FRMD6: variants seen among roughly 807,000 people sequenced by gnomAD.
FRMD6 encodes FERM domain containing 6, also known as FERM domain-containing protein 6.
In FRMD6, 37 loss-of-function variants were observed where a neutral mutation model predicts 73.2. The ratio of observed to expected loss-of-function variants is 0.51; its 90% CI spans 0.39 to 0.66. The LOEUF is 0.66. Among genes scored for constraint, FRMD6 ranks in the 30% least tolerant of loss-of-function variants. The pLI, the probability that FRMD6 is intolerant of heterozygous loss-of-function variation, is 0.00. For synonymous variants in FRMD6, 273 were observed against 282.2 expected (o/e 0.97, Z 0.33); for missense variants, 714 against 780.5 (o/e 0.91, Z 1.02).
At chr14:51,422,849 C>T in the FRMD6 span, among the ~76,000 whole-genome samples, 1 of 152,250 alleles carries the variant, frequency 6.6e-6, no homozygotes, top group African/African-American at 2.4e-5. Context: ...CAAATATTGC[C>T]CTCTAGAAAC....
intron 2 of FRMD6, chr14:51,599,927 G>A (rs750827489): frequency 3.4e-5 from 5 of 149,220 alleles, no homozygotes; most frequent in Non-Finnish European, 7.4e-5. Flanking sequence ...GTCTGGACGG[G>A]GAGCCAGGAG....
At chr14:51,637,697 A>C (rs1354065110) in intron 2 of FRMD6, 1 of 152,242 alleles carries the variant, frequency 6.6e-6, no homozygotes, top group Non-Finnish European at 1.5e-5. Flanking sequence ...CATTTTCCCC[A>C]GTTAATTTCT....
chr14:51,725,704 A>G (rs182684961), intron 12 of FRMD6, 75 bp from the exon 13 acceptor site: 25 of 1,094,008 alleles, frequency 2.3e-5, no homozygotes, highest in African/African-American at 3.1e-5. Flanking sequence ...CCTGATAGCA[A>G]TATGTCAGAA....
At chr14:51,519,882 G>T (rs899164301) in intron 1 of FRMD6, among the ~76,000 whole-genome samples, 1 of 152,128 alleles carries the variant, frequency 6.6e-6, no homozygotes, top group African/African-American at 2.4e-5. Flanking sequence ...ACTATAAAAT[G>T]GGCAATATGA....
chr14:51,443,433 C>T, the FRMD6 span, among the ~76,000 whole-genome samples: 1 of 152,180 alleles, frequency 6.6e-6, no homozygotes, highest in Non-Finnish European at 1.5e-5. Context: ...GTTAATTCAA[C>T]CCTCACTCTC....
chr14:51,433,153 G>T, the FRMD6 span, among the ~76,000 whole-genome samples: 2 of 152,208 alleles, frequency 1.3e-5, no homozygotes, highest in Non-Finnish European at 2.9e-5. Flanking sequence ...AAAGCTACAT[G>T]TGCGTTTACT....
chr14:51,633,071 T>G (rs1891398978), intron 2 of FRMD6, among the ~76,000 whole-genome samples: 1 of 152,156 alleles, frequency 6.6e-6, no homozygotes, highest in Admixed American at 6.5e-5. Context: ...TTAAAATATC[T>G]AAAAAAATAG....
chr14:51,558,743 G>A (rs1018246201), intron 1 of FRMD6, among the ~76,000 whole-genome samples: 8 of 152,108 alleles, frequency 5.3e-5, no homozygotes, highest in Admixed American at 4.6e-4. Context: ...TAGCCCTTAG[G>A]TGTTTTAACT....
chr14:51,531,931 A>G (rs1462118299), intron 1 of FRMD6, among the ~76,000 whole-genome samples: 2 of 152,350 alleles, frequency 1.3e-5, no homozygotes, highest in East Asian at 1.9e-4. Flanking sequence ...TAGCATTTGT[A>G]TATGTGCTAT....
intron 1 of FRMD6, among the ~76,000 whole-genome samples, chr14:51,659,248 G>A (rs1453275904): frequency 6.6e-6 from 1 of 152,134 alleles, no homozygotes; most frequent in African/African-American, 2.4e-5. Flanking sequence ...TATCCCACAG[G>A]ATTGTTCTTA....
chr14:51,723,229 A>G (rs1192491530), intron 12 of FRMD6, among the ~76,000 whole-genome samples: 1 of 152,214 alleles, frequency 6.6e-6, no homozygotes, highest in Non-Finnish European at 1.5e-5. Context: ...TTATATGCAC[A>G]TTATAGGTCC....
At chr14:51,500,353 C>A (rs1424688280) in intron 1 of FRMD6, among the ~76,000 whole-genome samples, 1 of 151,858 alleles carries the variant, frequency 6.6e-6, no homozygotes, top group Non-Finnish European at 1.5e-5. Flanking sequence ...ATGGTGAAAC[C>A]CTGTCTCTAC....
chr14:51,641,145 A>G (rs146717583), intron 2 of FRMD6, among the ~76,000 whole-genome samples: 29 of 151,624 alleles, frequency 1.9e-4, no homozygotes, highest in African/African-American at 6.5e-4. Flanking sequence ...AATTTTTTGT[A>G]TTTATTTATT....
chr14:51,558,121 AT>A (rs1041275216), intron 1 of FRMD6, among the ~76,000 whole-genome samples: 21 of 152,224 alleles, frequency 1.4e-4, no homozygotes, highest in African/African-American at 4.3e-4. Flanking sequence ...CCTTAAAAAA[AT>A]GTTGTAAACC....
intron 2 of FRMD6, among the ~76,000 whole-genome samples, chr14:51,607,313 C>T (rs1890300459): frequency 6.6e-6 from 1 of 152,132 alleles, no homozygotes; most frequent in Non-Finnish European, 1.5e-5. Context: ...CTGACTCACA[C>T]TATGAAACTA....
chr14:51,720,191 C>A lies in FRMD6; in HGVS notation c.1161C>A (p.Ala387=). Residue 387 remains alanine (A), a synonymous_variant, in exon 11 of 14, where the codon GCC becomes GCA. Transcript: ENST00000344768. The part of the protein sequence containing the change: ...KHKRLSRHST[A]SHSSSHTSGI... ...AGCGCCTGTCCCGTCATTCCACCGC[C>A]AGCCACAGCAGTTCCCACACCTCGG... The A allele has an allele frequency of 1.9e-6, 3 of 1,614,096 alleles. No homozygotes were observed. Among genetic ancestry groups the A allele is most frequent in the Non-Finnish European group, 2.5e-6 (3 of 1,180,038 alleles).
At chr14:51,430,810 T>C in the FRMD6 span, among the ~76,000 whole-genome samples, 1 of 152,182 alleles carries the variant, frequency 6.6e-6, no homozygotes, top group East Asian at 1.9e-4. Flanking sequence ...GGATCTTTTA[T>C]TCCCAGTTGC....
At chr14:51,445,722 TC>T in the FRMD6 span, among the ~76,000 whole-genome samples, 1 of 152,218 alleles carries the variant, frequency 6.6e-6, no homozygotes. Context: ...CAAGTGCTAC[TC>T]ATCTTTGTGC....
At chr14:51,415,917 C>G in the FRMD6 span, among the ~76,000 whole-genome samples, 1 of 152,180 alleles carries the variant, frequency 6.6e-6, no homozygotes, top group Non-Finnish European at 1.5e-5. Context: ...TCCATTTCTT[C>G]TAGATTTTCC....
Sources: allele counts gnomAD v4.1 joint callset (sites outside exome capture counted in the v4.1 genomes callset), GRCh38; gene constraint gnomAD v4.1.1; transcripts MANE v1.5; gene names NCBI Gene and HGNC (gene_info 2026-07-23, HGNC 2026-07-21).